MTFR1: variants seen among roughly 807,000 people sequenced by gnomAD.
MTFR1 encodes the protein chondrocyte protein with a poly-proline region.
MTFR1 carries 28 observed loss-of-function variants against 38.8 expected under a neutral mutation model. The ratio of observed to expected loss-of-function variants is 0.72; its 90% CI spans 0.53 to 0.99. MTFR1 has a LOEUF of 0.99. Among genes scored for constraint, MTFR1 ranks in the 50% least tolerant of loss-of-function variants. MTFR1 has a pLI of 0.00. For missense variants in MTFR1, 358 were observed against 395.5 expected (o/e 0.91, Z 0.81); for synonymous variants, 145 against 137.0 (o/e 1.06, Z -0.41).
intron 3 of MTFR1, chr8:65,723,325 C>G (rs1806468201): frequency 9.3e-6 from 3 of 321,470 alleles, no homozygotes; most frequent in Non-Finnish European, 1.6e-5. Flanking sequence ...CAAGTTATTG[C>G]TGCTGCCTGT....
At chr8:65,665,366 A>T (rs1804352615) in intron 1 of MTFR1, among the ~76,000 whole-genome samples, 1 of 152,174 alleles carries the variant, frequency 6.6e-6, no homozygotes, top group South Asian at 2.1e-4. Context: ...CAGAGGATTC[A>T]TTTATAAAAC....
intron 3 of MTFR1, among the ~76,000 whole-genome samples, chr8:65,687,640 C>T (rs1805128350): frequency 6.6e-6 from 1 of 152,106 alleles, no homozygotes; most frequent in Non-Finnish European, 1.5e-5. Context: ...CCACCGCACC[C>T]AGCCAGAATA....
At chr8:65,646,952 A>C (rs1808978127) in intron 1 of MTFR1, among the ~76,000 whole-genome samples, 1 of 152,232 alleles carries the variant, frequency 6.6e-6, no homozygotes, top group South Asian at 2.1e-4. Context: ...GACAGTAGAG[A>C]AGGACTATTA....
At chr8:65,692,868 G>T (rs1234997981) in intron 3 of MTFR1, among the ~76,000 whole-genome samples, 1 of 149,448 alleles carries the variant, frequency 6.7e-6, no homozygotes, top group Non-Finnish European at 1.5e-5. Context: ...CCTGGATTTA[G>T]CTCAAGTTGG....
intron 5 of MTFR1, among the ~76,000 whole-genome samples, chr8:65,705,249 G>A (rs926173446): frequency 6.6e-6 from 1 of 152,134 alleles, no homozygotes; most frequent in Admixed American, 6.6e-5. Context: ...TCTTGAACCT[G>A]GGGGGTGGAG....
rs560560556 is a variant in MTFR1 at position 65,745,572 on chromosome 8, T to C, written c.*49-25375T>C. The C allele has an allele frequency of 1.6e-4, 108 of 666,098 alleles. No homozygotes were observed. The African/African-American group carries it at 1.9e-3, about 12-fold the overall frequency. The allele number at this position is 666,098 out of a possible 1,614,324, so 41.3% of individuals were successfully genotyped here. On this transcript the variant is annotated intron_variant, in intron 3 of 3. Transcript: ENST00000521247. ...TTAAAGAAAATGTAAAGTGATTGAT[T>C]TACTTTAAAAAATACAAGTATCATT...
In MTFR1 at chr8:65,668,608, G is replaced by A. The variant is rs561459086; in HGVS notation, c.-80-1265G>A. 8.7e-4 allele frequency among the ~76,000 whole-genome samples: 130 copies of A among 149,870 alleles called. 1 individual carries two copies. The highest frequency in any genetic ancestry group is 3.1e-3 in the African/African-American group (125 of 40,748). On this transcript the variant is annotated intron_variant, in intron 1 of 7. Transcript: ENST00000262146. ...CGCTATTTGCATCCTCCGCCTACTGGCTTCAAGCGATTCTCCTGCCCCAGC... is the reference window on the plus strand; with the variant it reads ...CGCTATTTGCATCCTCCGCCTACTGACTTCAAGCGATTCTCCTGCCCCAGC...
At chr8:65,669,092 A>G (rs1804483612) in intron 1 of MTFR1, among the ~76,000 whole-genome samples, 1 of 152,060 alleles carries the variant, frequency 6.6e-6, no homozygotes, top group Non-Finnish European at 1.5e-5. Flanking sequence ...TTCCTTTATG[A>G]TTTTTGGTGG....
intron 3 of MTFR1, among the ~76,000 whole-genome samples, chr8:65,734,265 T>C (rs1414796454): frequency 6.6e-6 from 1 of 152,142 alleles, no homozygotes; most frequent in Non-Finnish European, 1.5e-5. Context: ...CGAAATGCAT[T>C]CACCACCACA....
In MTFR1 at chr8:65,740,346, C is replaced by T. The variant is rs530552673; in HGVS notation, c.*48+20865C>T. Among the ~76,000 whole-genome samples the T allele has an allele frequency of 5.9e-5, 9 of 152,198 alleles. No homozygotes were observed. In the South Asian group the frequency reaches 1.5e-3, roughly 25 times the overall value. Reference sequence around the variant, plus strand: ...TTTCAACATACTTAGTTCCCATCCACCCCCTCATTCTCCACAGCCTCATAT... The same window carrying T: ...TTTCAACATACTTAGTTCCCATCCATCCCCTCATTCTCCACAGCCTCATAT... On this transcript the variant is annotated intron_variant, in intron 3 of 3. Transcript: ENST00000521247.
intron 3 of MTFR1, among the ~76,000 whole-genome samples, chr8:65,688,098 T>TAA (rs546722264): frequency 0.017 from 2,102 of 120,800 alleles, 35 homozygotes; most frequent in African/African-American, 0.036. Context: ...AGACTCCGTC[T>TAA]AAAAAAAAAA....
chr8:65,748,241 A>G (rs925526596), intron 3 of MTFR1, among the ~76,000 whole-genome samples: 2 of 152,206 alleles, frequency 1.3e-5, no homozygotes, highest in Non-Finnish European at 2.9e-5. Flanking sequence ...GATTTTAACA[A>G]TTACACAAGT....
At chr8:65,719,833 C>G (rs746994882) in intron 3 of MTFR1, 2 of 286,716 alleles carry the variant, frequency 7.0e-6, no homozygotes, top group Non-Finnish European at 6.8e-6. Context: ...CGGGCATAGC[C>G]CAATTCGAGG....
chr8:65,767,423 T>C (rs1808847017), intron 3 of MTFR1, among the ~76,000 whole-genome samples: 1 of 152,238 alleles, frequency 6.6e-6, no homozygotes, highest in South Asian at 2.1e-4. Flanking sequence ...ATATTGGTTT[T>C]CATCCACAGT....
intron 2 of MTFR1, among the ~76,000 whole-genome samples, chr8:65,676,149 C>T (rs1012561156): frequency 2.6e-5 from 4 of 152,130 alleles, no homozygotes; most frequent in Non-Finnish European, 5.9e-5. Flanking sequence ...ACTCCTTCCC[C>T]CTTCCCAACA....
downstream of MTFR1, among the ~76,000 whole-genome samples, chr8:65,711,655 T>TAAAC (rs772812276): frequency 3.2e-4 from 49 of 152,224 alleles, no homozygotes; most frequent in Non-Finnish European, 7.1e-4. Context: ...GTAAACCTTA[T>TAAAC]AAACAATCTA....
chr8:65,756,255 T>C (rs1433248171), intron 3 of MTFR1, among the ~76,000 whole-genome samples: 1 of 152,216 alleles, frequency 6.6e-6, no homozygotes, highest in Non-Finnish European at 1.5e-5. Context: ...TCTGAGTTTG[T>C]CCTGATTGGA....
chr8:65,662,009 C>A (rs564464043), intron 1 of MTFR1, among the ~76,000 whole-genome samples: 22 of 147,066 alleles, frequency 1.5e-4, no homozygotes, highest in Non-Finnish European at 3.0e-4. Flanking sequence ...CTCCCTCTCC[C>A]TCTCTCTCTC....
chr8:65,667,239 G>A (rs957800225), intron 1 of MTFR1, among the ~76,000 whole-genome samples: 7 of 150,216 alleles, frequency 4.7e-5, no homozygotes, highest in African/African-American at 1.5e-4. Flanking sequence ...TTGCACCATT[G>A]TACTCCAGCC....
Sources: gnomAD v4.1 joint callset for allele counts (sites outside exome capture counted in the v4.1 genomes callset) on GRCh38, gnomAD v4.1.1 for gene constraint, MANE v1.5 for transcripts, NCBI Gene and HGNC (gene_info 2026-07-23, HGNC 2026-07-21) for gene names.